ADAMTSL1: variants seen among roughly 807,000 people sequenced by gnomAD.
ADAMTSL1 encodes ADAMTS like 1, also known as ADAMTS-like protein 1.
Under a neutral mutation model 201.8 loss-of-function variants are expected in ADAMTSL1, and 126 were observed. The observed-to-expected ratio is 0.62, with a 90% confidence interval of 0.54 to 0.72. The LOEUF (loss-of-function observed/expected upper bound fraction) is 0.72, where lower values mean the gene tolerates loss of function less well. Ranked by LOEUF, ADAMTSL1 falls within the 30% of genes least tolerant of loss-of-function variation. ADAMTSL1 has a pLI of 0.00. For missense variants in ADAMTSL1, 2,679 were observed against 2,277.8 expected (o/e 1.18, Z -3.59); for synonymous variants, 1,121 against 903.4 (o/e 1.24, Z -4.32).
chr9:18,052,739 A>C (rs922168544), intron 1 of ADAMTSL1, among the ~76,000 whole-genome samples: 1 of 152,056 alleles, frequency 6.6e-6, no homozygotes, highest in African/African-American at 2.4e-5. Context: ...CTATTTTAGG[A>C]GTCTTTTTAA....
At chr9:18,646,470 T>C (rs943405159) in intron 7 of ADAMTSL1, among the ~76,000 whole-genome samples, 3 of 151,714 alleles carry the variant, frequency 2.0e-5, no homozygotes, top group African/African-American at 7.3e-5. Context: ...CTTGTGCCAG[T>C]TTTCAAAGGG....
chr9:18,909,102 G>C lies in ADAMTSL1; in HGVS notation c.*554G>C, dbSNP rs1830473113. On this transcript the variant is annotated 3_prime_UTR_variant, in exon 29 of 29. Coordinates refer to ENST00000380548, the MANE Select transcript of ADAMTSL1 (RefSeq NM_001040272.6). ...CCAGAACTCACTCAGTTCTTCTAGT[G>C]GGTGAGTGCAGAGAGAGAAGAACTC... 1 of 154,402 alleles carries C rather than the reference G, an allele frequency of 6.5e-6. No homozygotes were observed. The highest frequency in any genetic ancestry group is 2.0e-4 in the South Asian group (1 of 4,982). 9.6% of individuals were successfully genotyped at this position (154,402 alleles called of 1,614,324 possible).
At position 18,853,198 on chromosome 9, in the gene ADAMTSL1, A is replaced by G. The variant is rs550685013; in HGVS notation, c.4249+23221A>G. On this transcript the variant is annotated intron_variant, in intron 23 of 28. Coordinates refer to ENST00000380548, the MANE Select transcript of ADAMTSL1 (RefSeq NM_001040272.6). ...ACAGGCCAAGACAGGAACATAGGTG[A>G]GAATTAGACATCTCTCCATGTGTGA... Among the ~76,000 whole-genome samples, 4 of 152,322 alleles carry G rather than the reference A, an allele frequency of 2.6e-5. No homozygotes were observed. In the South Asian group the frequency reaches 8.3e-4, roughly 32 times the overall value.
intron 1 of ADAMTSL1, among the ~76,000 whole-genome samples, chr9:18,021,582 C>T (rs1472906197): frequency 2.0e-5 from 3 of 152,194 alleles, no homozygotes; most frequent in African/African-American, 7.2e-5. Flanking sequence ...CAAGCATAAA[C>T]TTTCTGTGCT....
chr9:18,339,806 A>G (rs527503248), intron 2 of ADAMTSL1, among the ~76,000 whole-genome samples: 49 of 152,138 alleles, frequency 3.2e-4, no homozygotes, highest in African/African-American at 1.2e-3. Flanking sequence ...CAGCATTTAA[A>G]TGTCTTCAAG....
At chr9:18,819,256 G>A (rs1427900771) in intron 21 of ADAMTSL1, among the ~76,000 whole-genome samples, 1 of 152,060 alleles carries the variant, frequency 6.6e-6, no homozygotes, top group African/African-American at 2.4e-5. Flanking sequence ...AGGAGTTTGA[G>A]ACCAGCCTGG....
intron 7 of ADAMTSL1, among the ~76,000 whole-genome samples, chr9:18,644,567 G>A (rs1399232405): frequency 6.6e-6 from 1 of 150,560 alleles, no homozygotes; most frequent in Non-Finnish European, 1.5e-5. Flanking sequence ...TCCCCAGAGT[G>A]TGATGTTCCC....
At chr9:18,237,990 G>A (rs11795321) in intron 2 of ADAMTSL1, among the ~76,000 whole-genome samples, 5,108 of 152,300 alleles carry the variant, frequency 0.034, 131 homozygotes, top group Non-Finnish European at 0.054. Flanking sequence ...ACACTGCTTT[G>A]CCCTCTAGAG....
intron 2 of ADAMTSL1, among the ~76,000 whole-genome samples, chr9:18,174,328 C>T (rs182034279): frequency 6.8e-4 from 104 of 152,184 alleles, no homozygotes; most frequent in African/African-American, 2.4e-3. Context: ...ATGGAGGCAC[C>T]ATCCATCAGT....
intron 2 of ADAMTSL1, among the ~76,000 whole-genome samples, chr9:18,195,332 C>T (rs967863990): frequency 6.6e-6 from 1 of 152,094 alleles, no homozygotes; most frequent in Admixed American, 6.5e-5. Context: ...ATCAAAACTG[C>T]CTCCGGGAAG....
chr9:18,653,307 C>A (rs1431711277), intron 7 of ADAMTSL1, among the ~76,000 whole-genome samples: 1 of 152,164 alleles, frequency 6.6e-6, no homozygotes, highest in Admixed American at 6.5e-5. Flanking sequence ...CTCCATCTGA[C>A]CACTGGGACA....
chr9:18,759,611 T>G (rs1467068209), intron 16 of ADAMTSL1, among the ~76,000 whole-genome samples: 1 of 152,248 alleles, frequency 6.6e-6, no homozygotes, highest in African/African-American at 2.4e-5. Flanking sequence ...CACTTGATCC[T>G]ATCTTTTGAG....
chr9:18,156,758 T>A (rs1397625661), intron 1 of ADAMTSL1, among the ~76,000 whole-genome samples: 2 of 152,026 alleles, frequency 1.3e-5, no homozygotes, highest in Non-Finnish European at 2.9e-5. Flanking sequence ...AGTCTAACTC[T>A]TATGTTTCAT....
At chr9:18,895,087 G>A (rs1829538479) in intron 26 of ADAMTSL1, among the ~76,000 whole-genome samples, 1 of 152,198 alleles carries the variant, frequency 6.6e-6, no homozygotes, top group Admixed American at 6.5e-5. Context: ...GTAACTCTGT[G>A]AATGGCAGTT....
rs1367441376 is a variant in ADAMTSL1, at chr9:18,474,377, G to T, written c.63+82G>T. On this transcript the variant is annotated intron_variant, in intron 1 of 28. Transcript: ENST00000380548. ...GGGGTGTGTGTGTGTATGTGTGTTT[G>T]TGTGTGTGTGTGTGTCTTTATCTTA... The T allele has an allele frequency of 5.1e-6, 5 of 984,834 alleles. No individual in the cohort carries two copies. The African/African-American group carries it at 6.8e-5, about 13-fold the overall frequency. 61.0% of individuals were successfully genotyped at this position (984,834 alleles called of 1,614,324 possible). A position where few individuals can be genotyped will look rare whatever the true frequency, so the allele number is the denominator to read the frequency against.
At position 18,237,786 on chromosome 9, in the gene ADAMTSL1, C is replaced by T. The variant is rs1314740189; in HGVS notation, c.207+73805C>T. On this transcript the variant is annotated intron_variant, in intron 2 of 29. Transcript: ENST00000680146. ...CATAATTCATCAGTACTTAATTGTA[C>T]ACTGTTTTCTTCCTTTGTCAGTATT... is the stretch of plus-strand genomic sequence containing the variant. 3.3e-5 allele frequency among the ~76,000 whole-genome samples: 5 copies of T among 152,210 alleles called. No homozygotes were observed. The East Asian group carries it at 9.6e-4, about 29-fold the overall frequency.
chr9:18,425,940 A>G (rs1819198726), intron 2 of ADAMTSL1, among the ~76,000 whole-genome samples: 1 of 152,060 alleles, frequency 6.6e-6, no homozygotes, highest in African/African-American at 2.4e-5. Flanking sequence ...AAGGGTGAAA[A>G]GATGTTATTA....
At chr9:18,285,780 C>T (rs200391977) in intron 2 of ADAMTSL1, among the ~76,000 whole-genome samples, 4 of 151,928 alleles carry the variant, frequency 2.6e-5, no homozygotes, top group Non-Finnish European at 5.9e-5. Context: ...CTTATGGCTT[C>T]TCCAATATTA....
At chr9:18,151,254 C>T (rs1471686365) in intron 1 of ADAMTSL1, among the ~76,000 whole-genome samples, 2 of 152,036 alleles carry the variant, frequency 1.3e-5, no homozygotes, top group African/African-American at 4.8e-5. Flanking sequence ...CTTTACACAA[C>T]TGTAATGTGG....
Sources: allele counts gnomAD v4.1 joint callset (sites outside exome capture counted in the v4.1 genomes callset), GRCh38; gene constraint gnomAD v4.1.1; transcripts MANE v1.5; gene names NCBI Gene and HGNC (gene_info 2026-07-23, HGNC 2026-07-21).